Variants in SCRG1 observed in about 807,000 individuals in gnomAD.
SCRG1 encodes the protein scrapie-responsive protein 1.
In SCRG1, 3 loss-of-function variants were observed where a neutral mutation model predicts 7.7. That is an observed-to-expected ratio of 0.39 (90% CI 0.18 to 1.01). SCRG1 has a LOEUF of 1.01. SCRG1 is among the 50% of genes least tolerant of loss of function. The probability of loss-of-function intolerance (pLI) is 0.36; values close to 1 mark genes in which losing one functional copy is unlikely to be tolerated. For synonymous variants in SCRG1, 46 were observed against 41.2 expected (o/e 1.12, Z -0.44); for missense variants, 110 against 117.2 (o/e 0.94, Z 0.28).
the SCRG1 span, among the ~76,000 whole-genome samples, chr4:173,463,955 G>A: frequency 6.6e-6 from 1 of 152,096 alleles, no homozygotes; most frequent in Non-Finnish European, 1.5e-5. Flanking sequence ...ACGGACAATG[G>A]GGGGAGAATG....
chr4:173,503,970 C>A, the SCRG1 span, among the ~76,000 whole-genome samples: 1 of 152,130 alleles, frequency 6.6e-6, no homozygotes, highest in Non-Finnish European at 1.5e-5. This position sits in a 1 kb window ranked among gnomAD's most constrained non-coding sequence, Gnocchi z 6.4. Context: ...TTCTGCCCAC[C>A]ATAAGCACGG....
At chr4:173,450,528 T>G in the SCRG1 span, among the ~76,000 whole-genome samples, 5 of 152,290 alleles carry the variant, frequency 3.3e-5, no homozygotes, top group Non-Finnish European at 4.4e-5. Flanking sequence ...TGGGATCTCA[T>G]GCTGATAGCA....
the SCRG1 span, among the ~76,000 whole-genome samples, chr4:173,432,336 T>A: frequency 0.051 from 6,830 of 134,438 alleles, 510 homozygotes; most frequent in African/African-American, 0.16. Context: ...CCTTCCTTCC[T>A]TCCTCTTTCA....
the SCRG1 span, among the ~76,000 whole-genome samples, chr4:173,465,369 A>G: frequency 6.6e-6 from 1 of 152,190 alleles, no homozygotes; most frequent in East Asian, 1.9e-4. Context: ...GGCCAAAAAA[A>G]TGGAAACTGA....
the SCRG1 span, among the ~76,000 whole-genome samples, chr4:173,508,710 C>T: frequency 6.6e-6 from 1 of 152,210 alleles, no homozygotes; most frequent in Admixed American, 6.5e-5. The surrounding 1 kb of genome is among the most constrained non-coding windows in gnomAD (Gnocchi z 4.4). Context: ...TCCTACCCAA[C>T]CTGCCCCGGC....
At chr4:173,509,377 C>A in the SCRG1 span, among the ~76,000 whole-genome samples, 3 of 152,266 alleles carry the variant, frequency 2.0e-5, no homozygotes, top group Admixed American at 6.5e-5. The surrounding 1 kb of genome is among the most constrained non-coding windows in gnomAD (Gnocchi z 5.7). Context: ...CTGAACCTCG[C>A]GAGTAGAGCC....
the SCRG1 span, among the ~76,000 whole-genome samples, chr4:173,462,906 TA>T: frequency 6.6e-6 from 1 of 152,154 alleles, no homozygotes. Flanking sequence ...GGTTATAATA[TA>T]GTATTTTCAG....
the SCRG1 span, among the ~76,000 whole-genome samples, chr4:173,435,672 TAGTC>T: frequency 6.6e-6 from 1 of 152,176 alleles, no homozygotes; most frequent in Admixed American, 6.5e-5. Flanking sequence ...AATTTAAACT[TAGTC>T]AGAGTCCATT....
At chr4:173,393,370 C>A (rs1285278826) in intron 1 of SCRG1, among the ~76,000 whole-genome samples, 2 of 152,150 alleles carry the variant, frequency 1.3e-5, no homozygotes, top group Non-Finnish European at 2.9e-5. Flanking sequence ...TAATTCCTAC[C>A]TCCAAACATT....
the SCRG1 span, chr4:173,419,932 T>C: frequency 1.3e-6 from 1 of 760,448 alleles, no homozygotes; most frequent in South Asian, 1.4e-5. Flanking sequence ...TTGTGCAGAC[T>C]ATCATAGCCC....
the SCRG1 span, among the ~76,000 whole-genome samples, chr4:173,484,316 A>G: frequency 2.8e-5 from 2 of 70,854 alleles, no homozygotes; most frequent in Non-Finnish European, 4.9e-5. Flanking sequence ...TATATTATAT[A>G]TTTTATACAT....
At chr4:173,436,466 T>G in the SCRG1 span, among the ~76,000 whole-genome samples, 2 of 152,194 alleles carry the variant, frequency 1.3e-5, no homozygotes, top group African/African-American at 4.8e-5. Context: ...TCTTACCTAG[T>G]GCTGTCACTG....
chr4:173,440,402 G>T, the SCRG1 span, among the ~76,000 whole-genome samples: 9 of 152,188 alleles, frequency 5.9e-5, no homozygotes, highest in Non-Finnish European at 1.0e-4. Flanking sequence ...ATTTTGGCAG[G>T]CATGGCAAAT....
upstream of SCRG1, among the ~76,000 whole-genome samples, chr4:173,399,902 T>C (rs749531030): frequency 8.5e-5 from 13 of 152,160 alleles, no homozygotes; most frequent in Non-Finnish European, 1.5e-4. Flanking sequence ...GCATTCCAGG[T>C]TGAATTACAA....
In SCRG1 at chr4:173,385,000, T is replaced by C. The variant is rs1324387310; in HGVS notation, c.*3341A>G. 1.3e-5 allele frequency: 2 copies of C among 152,354 alleles called. No individual in the cohort carries two copies. Among genetic ancestry groups the C allele is most frequent in the East Asian group, 3.9e-4 (2 of 5,192 alleles). 9.4% of individuals were successfully genotyped at this position (152,354 alleles called of 1,614,324 possible). A position where few individuals can be genotyped will look rare whatever the true frequency, so the allele number is the denominator to read the frequency against. ...CTAGATGCTAGTGTAAGACTGGCCA[T>C]ATTCAAAATCTGGCTCAATTGCTCA... On this transcript the variant is annotated 3_prime_UTR_variant, in exon 3 of 3. Coordinates refer to ENST00000296506, the MANE Select transcript of SCRG1 (RefSeq NM_007281.4).
intron 2 of SCRG1, among the ~76,000 whole-genome samples, chr4:173,390,799 CTT>C (rs918022084): frequency 1.3e-5 from 2 of 152,058 alleles, no homozygotes; most frequent in African/African-American, 4.8e-5. Flanking sequence ...TCACTGGGAT[CTT>C]TTATCTAAAA....
At chr4:173,463,796 T>C in the SCRG1 span, among the ~76,000 whole-genome samples, 3 of 152,120 alleles carry the variant, frequency 2.0e-5, no homozygotes, top group Non-Finnish European at 4.4e-5. Context: ...CAATGAACAC[T>C]GAGAATCCTG....
the SCRG1 span, among the ~76,000 whole-genome samples, chr4:173,434,275 G>C: frequency 6.6e-6 from 1 of 152,182 alleles, no homozygotes; most frequent in African/African-American, 2.4e-5. Flanking sequence ...TGAGATAATA[G>C]GATATGATCT....
At chr4:173,482,680 T>C in the SCRG1 span, among the ~76,000 whole-genome samples, 1 of 151,544 alleles carries the variant, frequency 6.6e-6, no homozygotes, top group Middle Eastern at 3.4e-3. Flanking sequence ...TAGCCAGGTG[T>C]GGTGATGTGT....
Sources: gnomAD v4.1 joint callset for allele counts (sites outside exome capture counted in the v4.1 genomes callset) on GRCh38, gnomAD v4.1.1 for gene constraint, Gnocchi (gnomAD v3.1) non-coding constraint, MANE v1.5 for transcripts, NCBI Gene and HGNC (gene_info 2026-07-23, HGNC 2026-07-21) for gene names.